HIGD1C: variants seen among roughly 807,000 people sequenced by gnomAD.
The protein encoded by HIGD1C is HIG1 hypoxia inducible domain family member 1C.
HIGD1C carries 11 observed loss-of-function variants against 13.1 expected under a neutral mutation model. The observed-to-expected ratio is 0.84, with a 90% CI of 0.53 to 1.39. HIGD1C has a LOEUF of 1.39. Among genes scored for constraint, HIGD1C ranks in the 40% most tolerant of loss-of-function variants. HIGD1C has a pLI of 0.00. For missense variants in HIGD1C, 110 were observed against 112.0 expected (o/e 0.98, Z 0.08); for synonymous variants, 36 against 37.7 (o/e 0.95, Z 0.17).
chr12:50,946,848 C>T, the HIGD1C span, among the ~76,000 whole-genome samples: 561 of 152,070 alleles, frequency 3.7e-3, 20 homozygotes, highest in East Asian at 0.076. Context: ...GCATGGCACA[C>T]GTATACATAT....
At chr12:50,954,769 T>A (rs1031535336) in intron 1 of HIGD1C, among the ~76,000 whole-genome samples, 1 of 152,088 alleles carries the variant, frequency 6.6e-6, no homozygotes. Context: ...AACTTCTGCA[T>A]CTAATGTTTT....
At chr12:50,943,249 A>G in the HIGD1C span, among the ~76,000 whole-genome samples, 1 of 151,968 alleles carries the variant, frequency 6.6e-6, no homozygotes, top group Admixed American at 6.6e-5. Flanking sequence ...TATCCTCCAC[A>G]TGCCTCCCTC....
upstream of HIGD1C, among the ~76,000 whole-genome samples, chr12:50,952,020 A>G (rs188052853): frequency 6.6e-6 from 1 of 151,564 alleles, no homozygotes; most frequent in African/African-American, 2.4e-5. Flanking sequence ...CAGGACAACT[A>G]AATGCAATAT....
At chr12:50,948,799 G>A in the HIGD1C span, among the ~76,000 whole-genome samples, 1 of 132,170 alleles carries the variant, frequency 7.6e-6, no homozygotes, top group Non-Finnish European at 1.6e-5. Context: ...TGGAACCCAG[G>A]AGATGGAGGT....
the HIGD1C span, among the ~76,000 whole-genome samples, chr12:50,942,848 C>A: frequency 6.2e-4 from 92 of 149,586 alleles, 1 homozygote; most frequent in African/African-American, 2.2e-3. Flanking sequence ...TAGACAGAGC[C>A]AAATGCAGTT....
At chr12:50,939,641 T>C in the HIGD1C span, among the ~76,000 whole-genome samples, 29,830 of 152,130 alleles carry the variant, frequency 0.2, 3,303 homozygotes, top group East Asian at 0.5. Context: ...GATCTCATCA[T>C]TGCATCTAAT....
upstream of HIGD1C, among the ~76,000 whole-genome samples, chr12:50,952,768 C>T (rs1041015691): frequency 1.3e-5 from 2 of 152,206 alleles, no homozygotes; most frequent in Admixed American, 1.3e-4. Context: ...CTGCAGGGAG[C>T]GCACCTCCTC....
At position 50,960,965 on chromosome 12, in the gene HIGD1C, C is replaced by T; in HGVS notation, c.95-3C>T. On this transcript the variant is annotated splice_region_variant and splice_polypyrimidine_tract_variant and intron_variant, in intron 1 of 2. Coordinates refer to ENST00000398455, the Ensembl canonical transcript of HIGD1C. ...AAATAACCCATACTTTTAAAATTCA[C>T]AGGTATAGCAGGCTTTGTGACTGTG... 15 of 1,565,630 alleles carry T rather than the reference C, an allele frequency of 9.6e-6. No homozygotes were observed. The highest frequency in any genetic ancestry group is 1.3e-5 in the Non-Finnish European group (15 of 1,154,216).
chr12:50,948,918 GGGGGAGGGGGAGGGGAGGAGGAGGA>G (rs1938842633), upstream of HIGD1C, among the ~76,000 whole-genome samples: 1 of 3,374 alleles, frequency 3.0e-4, no homozygotes, highest in South Asian at 0.031. Flanking sequence ...GGGGGGGAGG[GGGGGAGGGGGAGGGGAGGAGGAGGA>G]GGAGGAGGAG....
At chr12:50,932,826 G>T in the HIGD1C span, among the ~76,000 whole-genome samples, 2 of 152,182 alleles carry the variant, frequency 1.3e-5, no homozygotes, top group Non-Finnish European at 2.9e-5. Context: ...TCTCTTGAAC[G>T]TGAAAAGTTA....
At chr12:50,934,916 C>CA in the HIGD1C span, 1 of 152,168 alleles carries the variant, frequency 6.6e-6, no homozygotes, top group African/African-American at 2.4e-5. Flanking sequence ...CACACACACA[C>CA]ACAAAGGTAC....
intron 1 of HIGD1C, among the ~76,000 whole-genome samples, chr12:50,956,450 A>C (rs1396293603): frequency 6.6e-6 from 1 of 152,220 alleles, no homozygotes; most frequent in African/African-American, 2.4e-5. Flanking sequence ...TCATTTTAAC[A>C]ATATCTACTA....
chr12:50,941,962 C>T, the HIGD1C span, among the ~76,000 whole-genome samples: 1 of 152,286 alleles, frequency 6.6e-6, no homozygotes, highest in East Asian at 1.9e-4. Context: ...AATCTCGGCT[C>T]ACTGCAACTA....
chr12:50,957,702 T>C (rs1341169989), intron 1 of HIGD1C, among the ~76,000 whole-genome samples: 2 of 151,106 alleles, frequency 1.3e-5, no homozygotes, highest in Non-Finnish European at 3.0e-5. Flanking sequence ...CTGGCCAACA[T>C]GGCAAAACCC....
At chr12:50,951,205 G>A (rs545240126), upstream of HIGD1C, among the ~76,000 whole-genome samples, 2 of 152,122 alleles carry the variant, frequency 1.3e-5, no homozygotes, top group Non-Finnish European at 2.9e-5. Flanking sequence ...CAGACACCAC[G>A]TTAATCCACA....
At chr12:50,968,235 T>C (rs1364858012) in intron 2 of HIGD1C, among the ~76,000 whole-genome samples, 1 of 152,180 alleles carries the variant, frequency 6.6e-6, no homozygotes, top group Non-Finnish European at 1.5e-5. Context: ...TTTCTAATAC[T>C]GGGGACTGAA....
At chr12:50,972,506 T>G (rs1301252650), downstream of HIGD1C, among the ~76,000 whole-genome samples, 1 of 152,206 alleles carries the variant, frequency 6.6e-6, no homozygotes, top group Non-Finnish European at 1.5e-5. Context: ...TGCCATGTTC[T>G]GGGGTGGTTC....
intron 2 of HIGD1C, among the ~76,000 whole-genome samples, chr12:50,965,469 G>A (rs1939506455): frequency 6.6e-6 from 1 of 151,974 alleles, no homozygotes; most frequent in Admixed American, 6.6e-5. Flanking sequence ...TACTATAATA[G>A]CCCTTACTTT....
chr12:50,945,064 GGTGTTGATGGGAC>G, the HIGD1C span, among the ~76,000 whole-genome samples: 1 of 152,060 alleles, frequency 6.6e-6, no homozygotes, highest in East Asian at 1.9e-4. Context: ...TCTCAAACTA[GGTGTTGATGGGAC>G]GTATCTCAAA....
Sources: allele counts gnomAD v4.1 joint callset (sites outside exome capture counted in the v4.1 genomes callset), GRCh38; gene constraint gnomAD v4.1.1; transcripts MANE v1.5; gene names NCBI Gene and HGNC (gene_info 2026-07-23, HGNC 2026-07-21).